RGS5: variants seen among roughly 807,000 people sequenced by gnomAD.
The protein encoded by RGS5 is regulator of G protein signaling 5, also known as regulator of G-protein signalling 5.
Under a neutral mutation model 18.9 loss-of-function variants are expected in RGS5, and 20 were observed. The observed-to-expected ratio is 1.06, with a 90% CI of 0.74 to 1.54. The LOEUF is 1.54. RGS5 is among the 40% of genes most tolerant of loss of function. The pLI is 0.00. For missense variants in RGS5, 201 were observed against 211.8 expected (o/e 0.95, Z 0.32); for synonymous variants, 57 against 76.2 (o/e 0.75, Z 1.31).
At chr1:163,252,463 G>T (rs1648135417) in intron 2 of RGS5, among the ~76,000 whole-genome samples, 1 of 152,100 alleles carries the variant, frequency 6.6e-6, no homozygotes, top group Admixed American at 6.6e-5. Flanking sequence ...TTTCTCAGTT[G>T]ATTTGACCAA....
chr1:163,278,989 T>C (rs1482033289), intron 2 of RGS5, among the ~76,000 whole-genome samples: 2 of 152,042 alleles, frequency 1.3e-5, no homozygotes, highest in South Asian at 2.1e-4. Flanking sequence ...CAAGACGCTA[T>C]AACATTTTAA....
At chr1:163,299,619 T>C (rs1208646241) in intron 2 of RGS5, among the ~76,000 whole-genome samples, 1 of 152,224 alleles carries the variant, frequency 6.6e-6, no homozygotes, top group Non-Finnish European at 1.5e-5. Flanking sequence ...AAACACATTA[T>C]ATGTGAACGT....
intron 2 of RGS5, among the ~76,000 whole-genome samples, chr1:163,222,788 G>A (rs1352129894): frequency 1.3e-5 from 2 of 152,116 alleles, no homozygotes; most frequent in Non-Finnish European, 1.5e-5. Flanking sequence ...TCAGGTTTCC[G>A]GCCAACAGAA....
chr1:163,294,517 A>G (rs1253140819), intron 2 of RGS5, among the ~76,000 whole-genome samples: 1 of 152,194 alleles, frequency 6.6e-6, no homozygotes, highest in African/African-American at 2.4e-5. Flanking sequence ...GGCCCATGAA[A>G]CCATTTTTCT....
At position 163,142,740 on chromosome 1, in the gene RGS5, A is replaced by G. The variant is rs142308356; in HGVS notation, c.*4602T>C. 83 of 152,282 alleles carry G rather than the reference A, an allele frequency of 5.5e-4. 1 individual carries two copies. Among genetic ancestry groups the G allele is most frequent in the African/African-American group, 2.0e-3 (83 of 41,570 alleles). The allele number at this position is 152,282 out of a possible 1,614,324, so 9.4% of individuals were successfully genotyped here. ...CTTTTAATGTATTAATTATTACATTATTGAAGTTGGACCCAAATATGTTAA... is the reference window on the plus strand; with the variant it reads ...CTTTTAATGTATTAATTATTACATTGTTGAAGTTGGACCCAAATATGTTAA... On this transcript the variant is annotated 3_prime_UTR_variant, in exon 5 of 5. Transcript: ENST00000313961.
intron 2 of RGS5, among the ~76,000 whole-genome samples, chr1:163,250,435 G>A (rs10494391): frequency 0.2 from 29,850 of 152,176 alleles, 3,380 homozygotes; most frequent in Non-Finnish European, 0.25. Context: ...TGAAGGTGAT[G>A]TGGTGATTAT....
chr1:163,303,522 T>C lies in RGS5; in HGVS notation c.-281+2711A>G, dbSNP rs566151819. On this transcript the variant is annotated intron_variant, in intron 2 of 5. Transcript: ENST00000618415. ...AAAATTGGAACTTAAAAATACAAAG[T>C]AGAATCATCAAAACGTCAGAGAGCT... is the stretch of plus-strand genomic sequence containing the variant. Among the ~76,000 whole-genome samples, 3 of 152,338 alleles carry C rather than the reference T, an allele frequency of 2.0e-5. No homozygotes were observed. The South Asian group carries it at 6.2e-4, about 32-fold the overall frequency.
At chr1:163,184,237 A>T (rs552942050) in intron 1 of RGS5, among the ~76,000 whole-genome samples, 2 of 152,282 alleles carry the variant, frequency 1.3e-5, no homozygotes, top group South Asian at 2.1e-4. Flanking sequence ...GACATGAACC[A>T]TTTTAAACAA....
intron 1 of RGS5, among the ~76,000 whole-genome samples, chr1:163,201,820 C>A (rs958980670): frequency 1.3e-5 from 2 of 152,100 alleles, no homozygotes; most frequent in Non-Finnish European, 2.9e-5. Flanking sequence ...ACTGCTAATG[C>A]CTTTAGGGCT....
chr1:163,165,772 G>A (rs11802639), intron 2 of RGS5, among the ~76,000 whole-genome samples: 9,739 of 152,226 alleles, frequency 0.064, 459 homozygotes, highest in South Asian at 0.14. Context: ...CGGGCGTGGT[G>A]GCACATGCCT....
At chr1:163,233,391 A>G (rs1026866449) in intron 2 of RGS5, among the ~76,000 whole-genome samples, 1 of 152,222 alleles carries the variant, frequency 6.6e-6, no homozygotes, top group Non-Finnish European at 1.5e-5. Context: ...TCCTCATTAA[A>G]CTTTCCCCAA....
intron 1 of RGS5, among the ~76,000 whole-genome samples, chr1:163,171,583 T>C (rs1658300617): frequency 6.6e-6 from 1 of 152,232 alleles, no homozygotes; most frequent in South Asian, 2.1e-4. Flanking sequence ...TCCTTTTTTT[T>C]CTATTTCTTG....
upstream of RGS5, among the ~76,000 whole-genome samples, chr1:163,204,856 T>A (rs1357195888): frequency 1.3e-5 from 2 of 152,074 alleles, no homozygotes; most frequent in Admixed American, 6.6e-5. Context: ...GAGGAGATAA[T>A]AATATGAAAA....
chr1:163,201,887 A>G (rs1659783835), intron 1 of RGS5, among the ~76,000 whole-genome samples: 1 of 152,166 alleles, frequency 6.6e-6, no homozygotes, highest in South Asian at 2.1e-4. Context: ...ATCAAACCCA[A>G]TTTAATCAAA....
chr1:163,219,311 CT>C (rs1218436376), upstream of RGS5, among the ~76,000 whole-genome samples: 2 of 152,078 alleles, frequency 1.3e-5, no homozygotes, highest in Non-Finnish European at 2.9e-5. Context: ...TTTAGTTTTG[CT>C]GGTCCTGGTT....
intron 2 of RGS5, among the ~76,000 whole-genome samples, chr1:163,299,961 T>C (rs796527430): frequency 5.9e-5 from 9 of 152,346 alleles, no homozygotes; most frequent in African/African-American, 1.9e-4. Flanking sequence ...GTGTGTTTTC[T>C]TTTAAAAAGG....
upstream of RGS5, among the ~76,000 whole-genome samples, chr1:163,206,471 C>T (rs527564911): frequency 7.2e-5 from 11 of 151,948 alleles, no homozygotes; most frequent in Non-Finnish European, 1.0e-4. Flanking sequence ...TATGGTATTC[C>T]AGGTCATTTT....
At chr1:163,177,462 C>A (rs997484212) in intron 1 of RGS5, among the ~76,000 whole-genome samples, 2 of 152,164 alleles carry the variant, frequency 1.3e-5, no homozygotes, top group African/African-American at 4.8e-5. Flanking sequence ...AAAAGTATGG[C>A]ACAGTTGGAT....
At chr1:163,301,535 G>A (rs771835356) in intron 2 of RGS5, among the ~76,000 whole-genome samples, 21 of 152,082 alleles carry the variant, frequency 1.4e-4, no homozygotes, top group Non-Finnish European at 2.8e-4. Flanking sequence ...GTTTTACCAT[G>A]TTGTCCAGGC....
Sources: allele counts gnomAD v4.1 joint callset (sites outside exome capture counted in the v4.1 genomes callset), GRCh38; gene constraint gnomAD v4.1.1; transcripts MANE v1.5; gene names NCBI Gene and HGNC (gene_info 2026-07-23, HGNC 2026-07-21).